The following FRMD6 variants were observed in gnomAD, a reference collection of about 807,000 sequenced individuals.
The protein encoded by FRMD6 is FERM domain containing 6.
A neutral mutation model predicts 73.2 loss-of-function variants in FRMD6; 37 were observed. The ratio of observed to expected loss-of-function variants is 0.51; its 90% confidence interval spans 0.39 to 0.66. The LOEUF is 0.66. FRMD6 is among the 30% of genes least tolerant of loss of function. FRMD6 has a pLI of 0.00. For missense variants in FRMD6, 714 were observed against 780.5 expected (o/e 0.91, Z 1.02); for synonymous variants, 273 against 282.2 (o/e 0.97, Z 0.33).
At chr14:51,720,797 A>G (rs1897513519) in intron 11 of FRMD6, among the ~76,000 whole-genome samples, 1 of 152,192 alleles carries the variant, frequency 6.6e-6, no homozygotes, top group Admixed American at 6.5e-5. Flanking sequence ...ATTGGAGTCC[A>G]TGCCATTGAG....
At position 51,693,294 on chromosome 14, in the gene FRMD6, A is replaced by G. The variant is rs1895728587; in HGVS notation, c.99+3359A>G. 2.0e-5 allele frequency among the ~76,000 whole-genome samples: 3 copies of G among 152,184 alleles called. No individual in the cohort carries two copies. In the South Asian group the frequency reaches 6.2e-4, roughly 32 times the overall value. On this transcript the variant is annotated intron_variant, in intron 2 of 13. Transcript: ENST00000344768. ...TTCTGATGCATATATAATAGCTGCT[A>G]TTATCATTTTAATCCCTAGGCAGAG...
chr14:51,513,092 A>T (rs184589145), intron 1 of FRMD6, among the ~76,000 whole-genome samples: 354 of 152,298 alleles, frequency 2.3e-3, no homozygotes, highest in Non-Finnish European at 4.3e-3. Context: ...GAGAGTCTCT[A>T]TGCCAGACTT....
At chr14:51,542,939 C>T (rs1886277840) in intron 1 of FRMD6, among the ~76,000 whole-genome samples, 2 of 151,892 alleles carry the variant, frequency 1.3e-5, no homozygotes, top group African/African-American at 4.8e-5. Flanking sequence ...TCTATCCAGG[C>T]CCTGTGCACA....
chr14:51,674,964 A>G (rs1430244355), intron 1 of FRMD6, among the ~76,000 whole-genome samples: 3 of 152,270 alleles, frequency 2.0e-5, no homozygotes, highest in Non-Finnish European at 1.5e-5. Flanking sequence ...TGTTTCTTTT[A>G]GAATAGATGG....
chr14:51,661,482 C>T (rs1333866091), intron 1 of FRMD6, among the ~76,000 whole-genome samples: 2 of 152,176 alleles, frequency 1.3e-5, no homozygotes, highest in East Asian at 1.9e-4. Flanking sequence ...TTTCTAATTG[C>T]GTTGATGGTC....
chr14:51,712,416 A>C (rs1050114638), intron 8 of FRMD6, 67 bp from the exon 9 acceptor site: 5 of 957,386 alleles, frequency 5.2e-6, no homozygotes, highest in Non-Finnish European at 8.3e-6. Flanking sequence ...TCAGGGAAAG[A>C]AGTTAGAGCC....
At chr14:51,516,491 A>G (rs1305791596) in intron 1 of FRMD6, among the ~76,000 whole-genome samples, 2 of 151,536 alleles carry the variant, frequency 1.3e-5, no homozygotes, top group East Asian at 3.9e-4. Flanking sequence ...AACTTCAGAA[A>G]GGACCAGAGT....
chr14:51,620,724 C>T (rs753806276), intron 2 of FRMD6, among the ~76,000 whole-genome samples: 9 of 152,184 alleles, frequency 5.9e-5, no homozygotes, highest in Non-Finnish European at 1.2e-4. Flanking sequence ...CCAGCAGGAC[C>T]TGGTAAGACA....
At chr14:51,618,893 A>T (rs1038892139) in intron 2 of FRMD6, among the ~76,000 whole-genome samples, 107 of 149,470 alleles carry the variant, frequency 7.2e-4, no homozygotes, top group Non-Finnish European at 1.2e-3. Flanking sequence ...AATATATATT[A>T]TTATATATGA....
At chr14:51,666,976 A>G (rs1465718077) in intron 1 of FRMD6, among the ~76,000 whole-genome samples, 1 of 152,140 alleles carries the variant, frequency 6.6e-6, no homozygotes, top group Non-Finnish European at 1.5e-5. Context: ...CTCTACAAAA[A>G]ATACAAAAGT....
chr14:51,727,959 C>T lies in FRMD6; in HGVS notation c.1799C>T (p.Pro600Leu). The change falls in exon 14 of 14, where the codon CCA (proline) becomes CTA (leucine). Residue 600 changes from proline (P) to leucine (L), a missense_variant. Pro to Leu is a moderately conservative substitution (Grantham distance 98). Transcript: ENST00000344768. The part of the protein sequence containing the change: ...QQCINIQDAF[P>L]VKRTSKYFSL... Reference sequence around the variant, plus strand: ...TGCATCAACATCCAAGATGCTTTTCCAGTCAAAAGAACCAGCAAATACTTT... The same window carrying T: ...TGCATCAACATCCAAGATGCTTTTCTAGTCAAAAGAACCAGCAAATACTTT... 1.9e-6 allele frequency: 3 copies of T among 1,614,032 alleles called. No homozygotes were observed. Among genetic ancestry groups the T allele is most frequent in the East Asian group, 2.2e-5 (1 of 44,880 alleles).
At chr14:51,456,402 T>C in the FRMD6 span, among the ~76,000 whole-genome samples, 90 of 152,238 alleles carry the variant, frequency 5.9e-4, no homozygotes, top group African/African-American at 2.1e-3. Context: ...ACATATGGTG[T>C]TTGGTTTTCT....
At chr14:51,713,579 A>G (rs1208150711) in intron 9 of FRMD6, 1 of 152,124 alleles carries the variant, frequency 6.6e-6, no homozygotes, top group East Asian at 1.9e-4. Context: ...AAGATGGCCT[A>G]TGTAAATAAA....
intron 1 of FRMD6, among the ~76,000 whole-genome samples, chr14:51,519,440 G>T (rs944016096): frequency 6.6e-6 from 1 of 152,034 alleles, no homozygotes; most frequent in Non-Finnish European, 1.5e-5. Flanking sequence ...GTGAGCCACT[G>T]CACCCGGCCC....
chr14:51,562,194 C>T lies in FRMD6; in HGVS notation c.-209-8154C>T, dbSNP rs1311682312. On this transcript the variant is annotated intron_variant, in intron 1 of 14. Transcript: ENST00000356218. ...TCTATCCCGCCCATCCCTGCATCTG[C>T]AGGCTCTATGATCAAAAATAAATAT... Among the ~76,000 whole-genome samples the T allele has an allele frequency of 2.6e-5, 4 of 152,244 alleles. No individual in the cohort carries two copies. In the East Asian group the frequency reaches 7.7e-4, roughly 29 times the overall value.
intron 1 of FRMD6, among the ~76,000 whole-genome samples, chr14:51,499,960 G>T (rs1204908326): frequency 6.6e-6 from 1 of 152,100 alleles, no homozygotes; most frequent in East Asian, 1.9e-4. Flanking sequence ...GCTAGAGAGG[G>T]TGCCATGTCT....
Position 51,728,148 on chromosome 14 carries a change from T to C in FRMD6, c.*119T>C. On this transcript the variant is annotated 3_prime_UTR_variant, in exon 14 of 14. Transcript: ENST00000344768. ...TTCACCCTAAACATAGCTCTTTCTTTATAATATTTGTGATGATGGAAACAA... is the reference window on the plus strand; with the variant it reads ...TTCACCCTAAACATAGCTCTTTCTTCATAATATTTGTGATGATGGAAACAA... 1.1e-6 allele frequency: 1 copy of C among 918,250 alleles called. No homozygotes were observed. The highest frequency in any genetic ancestry group is 1.6e-6 in the Non-Finnish European group (1 of 626,472). 56.9% of individuals were successfully genotyped at this position (918,250 alleles called of 1,614,324 possible).
intron 10 of FRMD6, among the ~76,000 whole-genome samples, chr14:51,719,643 T>C (rs1245597448): frequency 2.6e-5 from 4 of 152,248 alleles, no homozygotes; most frequent in African/African-American, 7.2e-5. Context: ...AAATATTTAA[T>C]ATGCTATGGA....
chr14:51,549,553 G>A (rs902457767), intron 1 of FRMD6, among the ~76,000 whole-genome samples: 3 of 149,974 alleles, frequency 2.0e-5, no homozygotes, highest in Admixed American at 6.6e-5. Flanking sequence ...TTTCTAGCTA[G>A]GCCCTATTTC....
Sources: allele counts gnomAD v4.1 joint callset (sites outside exome capture counted in the v4.1 genomes callset), GRCh38; gene constraint gnomAD v4.1.1; transcripts MANE v1.5; gene names NCBI Gene and HGNC (gene_info 2026-07-23, HGNC 2026-07-21).